Variants in LEF1 observed in about 807,000 individuals in gnomAD.
LEF1 encodes lymphoid enhancer-binding factor 1.
Under a neutral mutation model 51.2 loss-of-function variants are expected in LEF1, and 14 were observed. That is an observed-to-expected ratio of 0.27 (90% confidence interval 0.18 to 0.43). The LOEUF is 0.43. Among genes scored for constraint, LEF1 ranks in the 20% least tolerant of loss-of-function variants. The pLI is 1.00. For synonymous variants in LEF1, 185 were observed against 183.2 expected (o/e 1.01, Z -0.08); for missense variants, 386 against 512.0 (o/e 0.75, Z 2.37).
At chr4:108,078,917 CCT>C (rs1457811447) in intron 7 of LEF1, among the ~76,000 whole-genome samples, 1 of 152,164 alleles carries the variant, frequency 6.6e-6, no homozygotes, top group East Asian at 1.9e-4. Context: ...TCACATGCTG[CCT>C]CTCACCCCCA....
intron 8 of LEF1, among the ~76,000 whole-genome samples, chr4:108,077,215 TC>T (rs1722493913): frequency 6.6e-6 from 1 of 152,028 alleles, no homozygotes; most frequent in Non-Finnish European, 1.5e-5. Flanking sequence ...TTGGCCACTG[TC>T]CCGTCTAGCA....
At chr4:108,052,451 A>C (rs996196652) in intron 11 of LEF1, among the ~76,000 whole-genome samples, 2 of 152,236 alleles carry the variant, frequency 1.3e-5, no homozygotes, top group African/African-American at 2.4e-5. Context: ...ACAGATTCAC[A>C]GATTTTAATT....
At chr4:108,083,036 AAAG>A (rs1739414734) in intron 5 of LEF1, among the ~76,000 whole-genome samples, 3 of 152,194 alleles carry the variant, frequency 2.0e-5, no homozygotes, top group Admixed American at 6.6e-5. Context: ...AAAACCTAGA[AAAG>A]AAGAACCACA....
chr4:108,083,131 G>A, intron 5 of LEF1: 1 of 545,292 alleles, frequency 1.8e-6, no homozygotes, highest in Non-Finnish European at 3.3e-6. Context: ...CAAAGCAAAT[G>A]CTACAGTCAT....
intron 3 of LEF1, among the ~76,000 whole-genome samples, chr4:108,135,102 C>A (rs1743169907): frequency 6.6e-6 from 1 of 152,098 alleles, no homozygotes; most frequent in South Asian, 2.1e-4. Context: ...GTCCATAAAC[C>A]AAACTTGTTA....
At chr4:108,131,903 T>G (rs1482055505) in intron 3 of LEF1, among the ~76,000 whole-genome samples, 1 of 152,154 alleles carries the variant, frequency 6.6e-6, no homozygotes, top group Non-Finnish European at 1.5e-5. Flanking sequence ...ACATATGAAA[T>G]CAGGGTTATT....
intron 3 of LEF1, among the ~76,000 whole-genome samples, chr4:108,157,168 C>A (rs4039073): frequency 0.43 from 57,717 of 133,588 alleles, 13,271 homozygotes; most frequent in East Asian, 0.64. Flanking sequence ...CTCTCTCTCT[C>A]TATATATATA....
Position 108,089,254 on chromosome 4 carries a change from T to C in LEF1, c.418A>G (p.Asn140Asp). Residue 140 changes from asparagine to aspartate, a missense_variant, in exon 4 of 12, where the codon AAT (asparagine) becomes GAT (aspartate). Coordinates refer to ENST00000265165, the MANE Select transcript of LEF1 (RefSeq NM_016269.5). ...SLSPPIPRTS[N>D]KVPVVQPSHA... ...GATGGCTGCACCACGGGCACTTTATTTGACTGCAAAGTAACCACAAGGTCA... is the reference window on the plus strand; with the variant it reads ...GATGGCTGCACCACGGGCACTTTATCTGACTGCAAAGTAACCACAAGGTCA... The C allele has an allele frequency of 6.2e-7, 1 of 1,613,568 alleles. No individual in the cohort carries two copies. Among genetic ancestry groups the C allele is most frequent in the Non-Finnish European group, 8.5e-7 (1 of 1,179,750 alleles).
At chr4:108,070,263 G>GTA (rs951401883) in intron 9 of LEF1, among the ~76,000 whole-genome samples, 6 of 151,588 alleles carry the variant, frequency 4.0e-5, no homozygotes, top group African/African-American at 1.5e-4. Flanking sequence ...CAACAAACAT[G>GTA]TATATATATA....
At chr4:108,149,286 C>T (rs1289354008) in intron 3 of LEF1, among the ~76,000 whole-genome samples, 4 of 150,042 alleles carry the variant, frequency 2.7e-5, no homozygotes, top group Middle Eastern at 3.2e-3. Context: ...GGTGAAACCC[C>T]GCCTCTACTA....
chr4:108,124,228 A>G (rs1742366107), intron 3 of LEF1, among the ~76,000 whole-genome samples: 1 of 152,166 alleles, frequency 6.6e-6, no homozygotes, highest in Non-Finnish European at 1.5e-5. Flanking sequence ...TTTGGTCCAT[A>G]TGTGTTAGAT....
chr4:108,167,398 C>T lies in LEF1; in HGVS notation c.213+157G>A. The T allele has an allele frequency of 4.8e-6, 3 of 618,756 alleles. No individual in the cohort carries two copies. Among genetic ancestry groups the T allele is most frequent in the Non-Finnish European group, 5.7e-6 (2 of 350,566 alleles). 38.3% of individuals were successfully genotyped at this position (618,756 alleles called of 1,614,324 possible). A position where few individuals can be genotyped will look rare whatever the true frequency, so the allele number is the denominator to read the frequency against. On this transcript the variant is annotated intron_variant, in intron 1 of 11. Coordinates refer to ENST00000265165, the MANE Select transcript of LEF1 (RefSeq NM_016269.5). This position sits in a 1 kb window ranked among gnomAD's most constrained non-coding sequence, Gnocchi z 5.7. ...CACACACACACACACACACACACTGCGGACCGGGGGCCCAGCTACGCACAC... is the reference window on the plus strand; with the variant it reads ...CACACACACACACACACACACACTGTGGACCGGGGGCCCAGCTACGCACAC...
At chr4:108,153,547 A>C (rs572788209) in intron 3 of LEF1, among the ~76,000 whole-genome samples, 1 of 152,360 alleles carries the variant, frequency 6.6e-6, no homozygotes, top group East Asian at 1.9e-4. Flanking sequence ...ACGAAAGTTG[A>C]ATGTAAACAA....
At chr4:108,093,267 G>C (rs531056655) in intron 3 of LEF1, among the ~76,000 whole-genome samples, 41 of 152,176 alleles carry the variant, frequency 2.7e-4, no homozygotes, top group African/African-American at 9.2e-4. Context: ...CAATACAGTG[G>C]AATCAGCAGT....
At chr4:108,080,794 T>C (rs1006472922) in intron 6 of LEF1, among the ~76,000 whole-genome samples, 2 of 152,116 alleles carry the variant, frequency 1.3e-5, no homozygotes, top group African/African-American at 2.4e-5. Context: ...ACTATACCCA[T>C]ATAAAAAAGA....
chr4:108,132,496 C>T (rs72660435), intron 3 of LEF1, among the ~76,000 whole-genome samples: 27,653 of 151,584 alleles, frequency 0.18, 3,348 homozygotes, highest in East Asian at 0.4. Context: ...GGAGTGCAGG[C>T]ACTATGGGCC....
intron 3 of LEF1, among the ~76,000 whole-genome samples, chr4:108,157,175 T>TACACACAC (rs1425931310): frequency 0.012 from 663 of 57,434 alleles, 1 homozygote; most frequent in East Asian, 0.027. Context: ...TCTCTATATA[T>TACACACAC]ATATACACAC....
chr4:108,113,145 T>C (rs1190385906), intron 3 of LEF1, among the ~76,000 whole-genome samples: 3 of 152,244 alleles, frequency 2.0e-5, no homozygotes, highest in Admixed American at 6.5e-5. Flanking sequence ...CTTTGTTTAG[T>C]GCCATACAGT....
intron 3 of LEF1, among the ~76,000 whole-genome samples, chr4:108,092,917 TAAAAAAAAAAAAAAAAAAAA>T (rs71592104): frequency 3.2e-5 from 1 of 31,156 alleles, no homozygotes; most frequent in South Asian, 1.4e-3. Context: ...AATGAATATG[TAAAAAAAAAAAAAAAAAAAA>T]AAAAAAAAAA....
Sources: allele counts gnomAD v4.1 joint callset (sites outside exome capture counted in the v4.1 genomes callset), GRCh38; gene constraint gnomAD v4.1.1; non-coding constraint Gnocchi (gnomAD v3.1); transcripts MANE v1.5; gene names NCBI Gene and HGNC (gene_info 2026-07-23, HGNC 2026-07-21).